The following RBM44 variants were observed in gnomAD, a reference collection of about 807,000 sequenced individuals.
RBM44 encodes the protein RNA binding motif protein 44.
RBM44 carries 66 observed loss-of-function variants against 105.1 expected under a neutral mutation model. The ratio of observed to expected loss-of-function variants is 0.63; its 90% CI spans 0.52 to 0.77. RBM44 has a LOEUF of 0.77. Among genes scored for constraint, RBM44 ranks in the 30% least tolerant of loss-of-function variants. The pLI is 0.00. For synonymous variants in RBM44, 365 were observed against 417.6 expected, an observed-to-expected ratio of 0.87 and a Z score of 1.54; for missense variants, 1,122 against 1,207.8, an observed-to-expected ratio of 0.93 and a Z score of 1.05.
At chr2:237,799,993 T>G (rs749775363) in intron 1 of RBM44, among the ~76,000 whole-genome samples, 1 of 152,166 alleles carries the variant, frequency 6.6e-6, no homozygotes, top group African/African-American at 2.4e-5. Flanking sequence ...AAAATGGGCA[T>G]GTACCTAGGA....
Position 237,817,227 on chromosome 2 carries a change from C to T in RBM44, c.308C>T (p.Thr103Ile). Residue 103 changes from threonine (T) to isoleucine (I), a missense_variant, in exon 3 of 16, where the codon ACT becomes ATT. By Grantham distance (89) the Thr-to-Ile change is moderately conservative (BLOSUM62 -1). Coordinates refer to ENST00000316997, the MANE Select transcript of RBM44 (RefSeq NM_001080504.3). ...CAGTCAAGTGAACTTGAAGACAGTA[C>T]TGACTATGCTTTCTTGAATAAAACA... The part of the protein sequence containing the change: ...QFQSSELEDS[T>I]DYAFLNKTYS... 6.2e-7 allele frequency: 1 copy of T among 1,603,634 alleles called. No homozygotes were observed. The highest frequency in any genetic ancestry group is 8.5e-7 in the Non-Finnish European group (1 of 1,175,936).
At chr2:237,813,434 A>AT (rs1559909453) in intron 1 of RBM44, among the ~76,000 whole-genome samples, 158 bp from the exon 2 acceptor site, 1 of 152,106 alleles carries the variant, frequency 6.6e-6, no homozygotes, top group African/African-American at 2.4e-5. Context: ...TTAAGACTCA[A>AT]TTTTTTAGAT....
chr2:237,839,419 C>T (rs888101941), intron 15 of RBM44, among the ~76,000 whole-genome samples: 16 of 152,182 alleles, frequency 1.1e-4, no homozygotes, highest in East Asian at 9.7e-4. Flanking sequence ...TACAGTCACG[C>T]GCCAACACGT....
intron 15 of RBM44, among the ~76,000 whole-genome samples, chr2:237,838,260 C>T (rs2061978653): frequency 6.6e-6 from 1 of 152,182 alleles, no homozygotes; most frequent in Non-Finnish European, 1.5e-5. Context: ...CCAAACAATT[C>T]TCCAAGCCCA....
chr2:237,831,144 C>T (rs1324437921), intron 13 of RBM44, among the ~76,000 whole-genome samples: 1 of 151,198 alleles, frequency 6.6e-6, no homozygotes, highest in Non-Finnish European at 1.5e-5. Flanking sequence ...CAGACCTTCG[C>T]CTGTACTCCA....
At chr2:237,805,307 G>A (rs73086751) in intron 1 of RBM44, among the ~76,000 whole-genome samples, 3,750 of 152,184 alleles carry the variant, frequency 0.025, 153 homozygotes, top group African/African-American at 0.084. Flanking sequence ...TCTACAAGGC[G>A]TACTGTAAAG....
In RBM44 at chr2:237,827,422, T is replaced by G. The variant is rs1291634368; in HGVS notation, c.2530-11T>G. The stretch of plus-strand genomic sequence containing the variant: ...TCTACCTTTCACAAACTTTTATTTC[T>G]CTTCTTTTAGGCCGATTTAAGGTCT... On this transcript the variant is annotated splice_polypyrimidine_tract_variant and intron_variant, in intron 11 of 15. Transcript: ENST00000316997. 9 of 1,509,648 alleles carry G rather than the reference T, an allele frequency of 6.0e-6. No individual in the cohort carries two copies. The highest frequency in any genetic ancestry group is 2.8e-5 in the African/African-American group (2 of 71,816). The allele number at this position is 1,509,648 out of a possible 1,614,324, so 93.5% of individuals were successfully genotyped here.
Position 237,821,175 on chromosome 2 carries a change from A to G in RBM44, c.2018A>G (p.Lys673Arg). The change falls in exon 6 of 16, where the codon AAA becomes AGA. Residue 673 changes from lysine to arginine, a missense_variant. Lys to Arg is a conservative substitution (Grantham distance 26). Around this residue, in one of 3 missense-constraint regions of RBM44, gnomAD observed 918 missense variants for 955.3 expected, o/e 0.96. Transcript: ENST00000316997. ...RYVTLKEKIH[K>R]GIPLEELPPL... ...GTGACTTTGAAAGAAAAAATACACA[A>G]AGGCATACCACTGGAAGAGCTGCCC... 6.2e-7 allele frequency: 1 copy of G among 1,611,158 alleles called. No individual in the cohort carries two copies. The highest frequency in any genetic ancestry group is 8.5e-7 in the Non-Finnish European group (1 of 1,178,594).
At chr2:237,816,039 G>A (rs1013429943) in intron 2 of RBM44, among the ~76,000 whole-genome samples, 5 of 152,092 alleles carry the variant, frequency 3.3e-5, no homozygotes, top group Non-Finnish European at 5.9e-5. Context: ...TGTCATACTC[G>A]TAAGAGTTCT....
Position 237,818,650 on chromosome 2 carries a change from T to C in RBM44, c.1677+54T>C. 1 of 1,238,354 alleles carries C rather than the reference T, an allele frequency of 8.1e-7. No homozygotes were observed. Among genetic ancestry groups the C allele is most frequent in the Non-Finnish European group, 1.1e-6 (1 of 914,790 alleles). 76.7% of individuals were successfully genotyped at this position (1,238,354 alleles called of 1,614,324 possible). A position where few individuals can be genotyped will look rare whatever the true frequency, so the allele number is the denominator to read the frequency against. On this transcript the variant is annotated intron_variant, in intron 3 of 15. Coordinates refer to ENST00000316997, the MANE Select transcript of RBM44 (RefSeq NM_001080504.3). This position sits in a 1 kb window ranked among gnomAD's most constrained non-coding sequence, Gnocchi z 4.6. Reference sequence around the variant, plus strand: ...TTGGACTTTATAAAGAGACAGTGTATGCTAATGTAAGTGTTTTTGGTTCGT... The same window carrying C: ...TTGGACTTTATAAAGAGACAGTGTACGCTAATGTAAGTGTTTTTGGTTCGT...
chr2:237,803,253 C>CCA lies in RBM44; in HGVS notation c.-19+4392_-19+4393insCA, dbSNP rs1447633884. Among the ~76,000 whole-genome samples the CCA allele has an allele frequency of 2.1e-4, 32 of 150,344 alleles. No individual in the cohort carries two copies. Among genetic ancestry groups the CCA allele is most frequent in the Middle Eastern group, 3.5e-3 (1 of 288 alleles). On this transcript the variant is annotated intron_variant, in intron 1 of 15. Transcript: ENST00000316997. This position sits in a 1 kb window ranked among gnomAD's most constrained non-coding sequence, Gnocchi z 4.2. ...CTGCACTCCAGCCTGGGCGACAGAG[C>CCA]GAGACACACACACACACACAGTCTC...
At chr2:237,830,441 A>AT (rs1051673167) in intron 13 of RBM44, among the ~76,000 whole-genome samples, 12 of 151,572 alleles carry the variant, frequency 7.9e-5, no homozygotes, top group Admixed American at 2.6e-4. Flanking sequence ...CAGAACAGGG[A>AT]TTTTTTTTAG....
Position 237,818,840 on chromosome 2 carries a change from T to C in RBM44, c.1678-61T>C, listed in dbSNP as rs1212702946. ...ATCCATTAGAAATTGAATTGTACAT[T>C]TTATTAGTTTGGAATTTCAGATATA... On this transcript the variant is annotated intron_variant, in intron 3 of 15. Coordinates refer to ENST00000316997, the MANE Select transcript of RBM44 (RefSeq NM_001080504.3). This position sits in a 1 kb window ranked among gnomAD's most constrained non-coding sequence, Gnocchi z 4.6. 2.1e-6 allele frequency: 2 copies of C among 968,742 alleles called. No individual in the cohort carries two copies. Among genetic ancestry groups the C allele is most frequent in the Non-Finnish European group, 3.1e-6 (2 of 635,846 alleles). The allele number at this position is 968,742 out of a possible 1,614,324, so 60.0% of individuals were successfully genotyped here.
chr2:237,820,219 T>C lies in RBM44; in HGVS notation c.1781T>C (p.Met594Thr), dbSNP rs1425244097. ...GATACAGAGAAGGATTTGCCATCAA[T>C]GTGCTGTCAGAAGATAATGCAGAGA... ...FKDTEKDLPS[M>T]CCQKIMQRAI... is the part of the protein sequence containing the mutation. The change falls in exon 5 of 16, where the codon ATG (methionine) becomes ACG (threonine). Residue 594 changes from methionine to threonine, a missense_variant. Physicochemically the swap from Met to Thr is moderately conservative, Grantham distance 81. Coordinates refer to ENST00000316997, the MANE Select transcript of RBM44 (RefSeq NM_001080504.3). The C allele has an allele frequency of 6.3e-7, 1 of 1,575,360 alleles. No homozygotes were observed. The highest frequency in any genetic ancestry group is 2.3e-5 in the East Asian group (1 of 43,488).
rs187695611 is a variant in RBM44, at chr2:237,817,514, A to T, written c.595A>T (p.Asn199Tyr). The change falls in exon 3 of 16, where the codon AAC becomes TAC. Residue 199 changes from asparagine to tyrosine, a missense_variant. Asn to Tyr is a moderately radical substitution (Grantham distance 143, BLOSUM62 -2). Coordinates refer to ENST00000316997, the MANE Select transcript of RBM44 (RefSeq NM_001080504.3). ...TGCAGAAGAACAAGAATACATAAGT[A>T]ACCATTTATCTTTTGACCAAACAAA... ...HSAEEQEYIS[N>Y]HLSFDQTKAL... 1 of 1,608,454 alleles carries T rather than the reference A, an allele frequency of 6.2e-7. No individual in the cohort carries two copies. Among genetic ancestry groups the T allele is most frequent in the African/African-American group, 1.3e-5 (1 of 74,942 alleles).
chr2:237,818,182 T>G lies in RBM44; in HGVS notation c.1263T>G (p.Asn421Lys). Reference protein sequence around the residue: ...AMLPKIAVRDNQAIEDNTSLK... With the variant: ...AMLPKIAVRDKQAIEDNTSLK... ...TACCAAAGATCGCAGTCAGAGATAA[T>G]CAGGCAATAGAAGATAATACGTCCC... The change falls in exon 3 of 16, where the codon AAT (asparagine) becomes AAG (lysine). Residue 421 changes from asparagine (N) to lysine (K), a missense_variant. Around this residue, in one of 3 missense-constraint regions of RBM44, gnomAD observed 918 missense variants for 955.3 expected, o/e 0.96. Coordinates refer to ENST00000316997, the MANE Select transcript of RBM44 (RefSeq NM_001080504.3). This position sits in a 1 kb window ranked among gnomAD's most constrained non-coding sequence, Gnocchi z 4.6. The G allele has an allele frequency of 6.2e-7, 1 of 1,613,122 alleles. No individual in the cohort carries two copies. Among genetic ancestry groups the G allele is most frequent in the Non-Finnish European group, 8.5e-7 (1 of 1,179,510 alleles).
In RBM44 at chr2:237,834,494, T is replaced by C. The variant is rs887234909; in HGVS notation, c.*22+71T>C. On this transcript the variant is annotated intron_variant, in intron 15 of 15. Coordinates refer to ENST00000316997, the MANE Select transcript of RBM44 (RefSeq NM_001080504.3). ...ATAAGCTATTGATTTCATTTTCTTT[T>C]TACATAAAAAACATATTAAATTTAA... is the stretch of plus-strand genomic sequence containing the variant. The C allele has an allele frequency of 5.0e-5, 37 of 743,078 alleles. No individual in the cohort carries two copies. The South Asian group carries it at 9.1e-4, about 18-fold the overall frequency. The allele number at this position is 743,078 out of a possible 1,614,324, so 46.0% of individuals were successfully genotyped here. A position where few individuals can be genotyped will look rare whatever the true frequency, so the allele number is the denominator to read the frequency against.
intron 1 of RBM44, among the ~76,000 whole-genome samples, chr2:237,804,446 C>G (rs536936031): frequency 2.6e-5 from 4 of 152,322 alleles, no homozygotes; most frequent in South Asian, 4.1e-4. Flanking sequence ...TTGCCAGCAT[C>G]TGTTGTTTTT....
intron 1 of RBM44, among the ~76,000 whole-genome samples, chr2:237,808,661 G>A (rs1275741218): frequency 1.3e-5 from 2 of 152,108 alleles, no homozygotes; most frequent in African/African-American, 4.8e-5. Flanking sequence ...CAGAAGCAAG[G>A]TAGGAGATGT....
Sources: allele counts gnomAD v4.1 joint callset (sites outside exome capture counted in the v4.1 genomes callset), GRCh38; gene constraint gnomAD v4.1.1; regional missense constraint gnomAD v4.1.1; non-coding constraint Gnocchi (gnomAD v3.1); transcripts MANE v1.5; gene names NCBI Gene and HGNC (gene_info 2026-07-23, HGNC 2026-07-21).